TMEM121: variants seen among roughly 807,000 people sequenced by gnomAD.
TMEM121 encodes the protein transmembrane protein 121A.
Under a neutral mutation model 16.4 loss-of-function variants are expected in TMEM121, and 8 were observed. The observed-to-expected ratio is 0.49, with a 90% CI of 0.29 to 0.88. The LOEUF (loss-of-function observed/expected upper bound fraction) is 0.88, where lower values mean the gene tolerates loss of function less well. Among genes scored for constraint, TMEM121 ranks in the 40% least tolerant of loss-of-function variants. The probability of loss-of-function intolerance (pLI) is 0.09; values close to 1 mark genes in which losing one functional copy is unlikely to be tolerated. For missense variants in TMEM121, 401 were observed against 462.0 expected (o/e 0.87, Z 1.21); for synonymous variants, 235 against 226.2 (o/e 1.04, Z -0.35).
Position 105,529,572 on chromosome 14 carries a change from G to A in TMEM121, c.738G>A (p.Ser246=). 1 of 1,557,488 alleles carries A rather than the reference G, an allele frequency of 6.4e-7. No homozygotes were observed. Among genetic ancestry groups the A allele is most frequent in the South Asian group, 1.2e-5 (1 of 85,288 alleles). Reference sequence around the variant, plus strand: ...CGCTGTTCCGGGACAGCCGTGTCTCGGCCATCTTCGTCGGCAAAAACGTGG... The same window carrying A: ...CGCTGTTCCGGGACAGCCGTGTCTCAGCCATCTTCGTCGGCAAAAACGTGG... ...NMALFRDSRV[S]AIFVGKNVVA... is the part of the protein sequence containing the mutation. Residue 246 remains serine, a synonymous_variant, in exon 2 of 2, where the codon TCG becomes TCA. Transcript: ENST00000392519.
At chr14:105,527,825 T>C (rs2084601361) in intron 1 of TMEM121, among the ~76,000 whole-genome samples, 1 of 151,708 alleles carries the variant, frequency 6.6e-6, no homozygotes, top group African/African-American at 2.4e-5. Context: ...CGGGCCTCCA[T>C]TGTCACCCAG....
chr14:105,529,385 T>C lies in TMEM121; in HGVS notation c.551T>C (p.Phe184Ser). Residue 184 changes from phenylalanine to serine, a missense_variant, in exon 2 of 2, where the codon TTC (phenylalanine) becomes TCC (serine). By Grantham distance (155) the Phe-to-Ser change is radical. Coordinates refer to ENST00000392519, the MANE Select transcript of TMEM121 (RefSeq NM_025268.4). ...CCGCTGTGGGCCGAGGGCCTCACCT[T>C]CTTCTACTGCTACATGCTGCTGCTG... ...GLPLWAEGLT[F>S]FYCYMLLLVL... The C allele has an allele frequency of 6.5e-7, 1 of 1,543,284 alleles. No homozygotes were observed. Among genetic ancestry groups the C allele is most frequent in the Non-Finnish European group, 8.7e-7 (1 of 1,146,778 alleles).
At position 105,529,600 on chromosome 14, in the gene TMEM121, G is replaced by A; in HGVS notation, c.766G>A (p.Ala256Thr). The change falls in exon 2 of 2, where the codon GCG becomes ACG. Residue 256 changes from alanine (A) to threonine (T), a missense_variant. Coordinates refer to ENST00000392519, the MANE Select transcript of TMEM121 (RefSeq NM_025268.4). ...SAIFVGKNVV[A>T]LATKACTFLE... Reference sequence around the variant, plus strand: ...CATCTTCGTCGGCAAAAACGTGGTGGCGCTCGCCACCAAGGCCTGCACCTT... The same window carrying A: ...CATCTTCGTCGGCAAAAACGTGGTGACGCTCGCCACCAAGGCCTGCACCTT... 1 of 1,573,520 alleles carries A rather than the reference G, an allele frequency of 6.4e-7. No individual in the cohort carries two copies. Among genetic ancestry groups the A allele is most frequent in the Non-Finnish European group, 8.6e-7 (1 of 1,167,940 alleles).
In TMEM121 at chr14:105,529,641, C is replaced by A; in HGVS notation, c.807C>A (p.Arg269=). 6.3e-7 allele frequency: 1 copy of A among 1,579,646 alleles called. No individual in the cohort carries two copies. The highest frequency in any genetic ancestry group is 2.3e-5 in the East Asian group (1 of 43,514). The change falls in exon 2 of 2, where the codon CGC becomes CGA. Residue 269 remains arginine (R), a synonymous_variant. Coordinates refer to ENST00000392519, the MANE Select transcript of TMEM121 (RefSeq NM_025268.4). ...TKACTFLEYR[R]QVRDFPPPAL... Reference sequence around the variant, plus strand: ...CCTGCACCTTCCTGGAGTACCGCCGCCAGGTGCGCGACTTCCCGCCGCCTG... The same window carrying A: ...CCTGCACCTTCCTGGAGTACCGCCGACAGGTGCGCGACTTCCCGCCGCCTG...
rs1555444175 is a variant in TMEM121, at chr14:105,529,121, A to G, written c.287A>G (p.Asn96Ser). 2 of 1,610,158 alleles carry G rather than the reference A, an allele frequency of 1.2e-6. No homozygotes were observed. The highest frequency in any genetic ancestry group is 1.7e-6 in the Non-Finnish European group (2 of 1,179,462). Residue 96 changes from asparagine to serine, a missense_variant, in exon 2 of 2, where the codon AAC (asparagine) becomes AGC (serine). By Grantham distance (46) the Asn-to-Ser change is conservative. Transcript: ENST00000392519. Reference protein sequence around the residue: ...LEIKLYFIFQNYKAARRGAAD... With the variant: ...LEIKLYFIFQSYKAARRGAAD... Reference sequence around the variant, plus strand: ...ATCAAGCTCTACTTCATCTTCCAGAACTACAAGGCGGCGCGGCGCGGCGCG... The same window carrying G: ...ATCAAGCTCTACTTCATCTTCCAGAGCTACAAGGCGGCGCGGCGCGGCGCG...
Position 105,529,724 on chromosome 14 carries a change from C to A in TMEM121, c.890C>A (p.Pro297Gln), listed in dbSNP as rs1555444352. 2 of 1,527,778 alleles carry A rather than the reference C, an allele frequency of 1.3e-6. No homozygotes were observed. The highest frequency in any genetic ancestry group is 2.8e-5 in the African/African-American group (2 of 72,242). The allele number at this position is 1,527,778 out of a possible 1,614,324, so 94.6% of individuals were successfully genotyped here. A position where few individuals can be genotyped will look rare whatever the true frequency, so the allele number is the denominator to read the frequency against. Reference sequence around the variant, plus strand: ...CAGCGCAACTCGGTGCCGCCGCCGCCGCCGCCGCTGCACGGCCCGCCTGGG... The same window carrying A: ...CAGCGCAACTCGGTGCCGCCGCCGCAGCCGCCGCTGCACGGCCCGCCTGGG... ...PPQRNSVPPP[P>Q]PPLHGPPGRP... Residue 297 changes from proline (P) to glutamine (Q), a missense_variant, in exon 2 of 2, where the codon CCG becomes CAG. Physicochemically the swap from Pro to Gln is moderately conservative, Grantham distance 76. Coordinates refer to ENST00000392519, the MANE Select transcript of TMEM121 (RefSeq NM_025268.4).
chr14:105,528,255 A>G lies in TMEM121; in HGVS notation c.-113-467A>G, dbSNP rs117234998. The stretch of plus-strand genomic sequence containing the variant: ...GGGATCAGAAAGCCTGGGAGGGCCG[A>G]GGCCTCCTTGGGTACTCCAAGAGCG... On this transcript the variant is annotated intron_variant, in intron 1 of 1. Coordinates refer to ENST00000392519, the MANE Select transcript of TMEM121 (RefSeq NM_025268.4). 0.028 allele frequency among the ~76,000 whole-genome samples: 4,253 copies of G among 151,678 alleles called. 616 individuals are homozygous for G. The East Asian group carries it at 0.39, about 14-fold the overall frequency.
chr14:105,528,390 G>A (rs2084605938), intron 1 of TMEM121, among the ~76,000 whole-genome samples: 1 of 151,896 alleles, frequency 6.6e-6, no homozygotes, highest in South Asian at 2.1e-4. Flanking sequence ...CCGGGCCGCC[G>A]GAGCCAGGAG....
In TMEM121 at chr14:105,529,461, A is replaced by G. The variant is rs1769326124; in HGVS notation, c.627A>G (p.Ile209Met). Residue 209 changes from isoleucine to methionine, a missense_variant, in exon 2 of 2, where the codon ATA becomes ATG. Coordinates refer to ENST00000392519, the MANE Select transcript of TMEM121 (RefSeq NM_025268.4). ...AGGTCAGCATGCAGGGCGAGCACAT[A>G]GCGCCGCAGAAGATGATGCTGTACC... ...LSEVSMQGEH[I>M]APQKMMLYPV... The G allele has an allele frequency of 3.2e-6, 5 of 1,546,294 alleles. No individual in the cohort carries two copies. Among genetic ancestry groups the G allele is most frequent in the Non-Finnish European group, 4.4e-6 (5 of 1,146,760 alleles).
In TMEM121 at chr14:105,529,240, T is replaced by G. The variant is rs1163377280; in HGVS notation, c.406T>G (p.Tyr136Asp). The G allele has an allele frequency of 2.5e-5, 39 of 1,563,966 alleles. No individual in the cohort carries two copies. The highest frequency in any genetic ancestry group is 3.1e-5 in the Non-Finnish European group (36 of 1,157,954). Residue 136 changes from tyrosine (Y) to aspartate (D), a missense_variant, in exon 2 of 2, where the codon TAC (tyrosine) becomes GAC (aspartate). Physicochemically the swap from Tyr to Asp is radical, Grantham distance 160. Coordinates refer to ENST00000392519, the MANE Select transcript of TMEM121 (RefSeq NM_025268.4). ...GCTCGTGGCGCTGGACCGCATGGAG[T>G]ACGTGCGCACCTTCCGCAAGCGCGA... ...LLLVALDRME[Y>D]VRTFRKREDL...
intron 1 of TMEM121, among the ~76,000 whole-genome samples, chr14:105,527,824 A>C (rs1266806179): frequency 6.6e-6 from 1 of 151,608 alleles, no homozygotes; most frequent in Non-Finnish European, 1.5e-5. Context: ...GCGGGCCTCC[A>C]TTGTCACCCA....
rs1300763788 is a variant in TMEM121 at position 105,529,839 on chromosome 14, C to A, written c.*45C>A. The A allele has an allele frequency of 7.3e-7, 1 of 1,375,636 alleles. No individual in the cohort carries two copies. Among genetic ancestry groups the A allele is most frequent in the African/African-American group, 1.5e-5 (1 of 65,040 alleles). The allele number at this position is 1,375,636 out of a possible 1,614,324, so 85.2% of individuals were successfully genotyped here. A position where few individuals can be genotyped will look rare whatever the true frequency, so the allele number is the denominator to read the frequency against. Reference sequence around the variant, plus strand: ...GACACGCCCCTGGGGCGCAGAGACACCGGGTTGGCTTGGGGCGCGCGGTTT... The same window carrying A: ...GACACGCCCCTGGGGCGCAGAGACAACGGGTTGGCTTGGGGCGCGCGGTTT... On this transcript the variant is annotated 3_prime_UTR_variant, in exon 2 of 2. Coordinates refer to ENST00000392519, the MANE Select transcript of TMEM121 (RefSeq NM_025268.4).
Position 105,530,054 on chromosome 14 carries a change from G to A in TMEM121, c.*260G>A. The A allele has an allele frequency of 2.3e-6, 1 of 438,282 alleles. No individual in the cohort carries two copies. The highest frequency in any genetic ancestry group is 6.6e-5 in the South Asian group (1 of 15,246). The allele number at this position is 438,282 out of a possible 1,614,324, so 27.1% of individuals were successfully genotyped here. ...GGCCGGAGCAGAGCAGAGGTGATCC[G>A]GCCCCTGCCTGCTGGGCCGCCCGGG... On this transcript the variant is annotated 3_prime_UTR_variant, in exon 2 of 2. Transcript: ENST00000392519.
chr14:105,527,544 T>A (rs1426665151), intron 1 of TMEM121: 1 of 73,200 alleles, frequency 1.4e-5, no homozygotes, highest in African/African-American at 5.4e-5. Flanking sequence ...CTCCGAGGGG[T>A]GGGGGTGTCC....
intron 1 of TMEM121, among the ~76,000 whole-genome samples, chr14:105,528,242 C>T (rs868927447): frequency 2.0e-5 from 3 of 151,852 alleles, no homozygotes; most frequent in African/African-American, 7.3e-5. Context: ...GATCAGAAAG[C>T]CTGGGAGGGC....
Position 105,529,626 on chromosome 14 carries a change from C to T in TMEM121, c.792C>T (p.Phe264=), listed in dbSNP as rs2084625056. ...VVALATKACT[F]LEYRRQVRDF... is the part of the protein sequence containing the mutation. ...CGCTCGCCACCAAGGCCTGCACCTT[C>T]CTGGAGTACCGCCGCCAGGTGCGCG... The change falls in exon 2 of 2, where the codon TTC becomes TTT. Residue 264 remains phenylalanine (F), a synonymous_variant. Coordinates refer to ENST00000392519, the MANE Select transcript of TMEM121 (RefSeq NM_025268.4). 3 of 1,580,796 alleles carry T rather than the reference C, an allele frequency of 1.9e-6. No individual in the cohort carries two copies. The highest frequency in any genetic ancestry group is 2.6e-6 in the Non-Finnish European group (3 of 1,172,046).
chr14:105,528,320 G>T (rs1039129824), intron 1 of TMEM121, among the ~76,000 whole-genome samples: 17 of 152,062 alleles, frequency 1.1e-4, no homozygotes, highest in African/African-American at 4.1e-4. Context: ...CGGCGGCGGG[G>T]AGAGGGTATT....
At chr14:105,528,499 G>C (rs1278291179) in intron 1 of TMEM121, 4 of 173,628 alleles carry the variant, frequency 2.3e-5, no homozygotes, top group Admixed American at 1.3e-4. Flanking sequence ...TCCTGGCGGC[G>C]GGAACGAGGC....
chr14:105,529,128 GGCGGCGCGGC>G lies in TMEM121; in HGVS notation c.306_315del (p.Gly103ThrfsTer8). The G allele has an allele frequency of 1.2e-6, 2 of 1,607,730 alleles. No homozygotes were observed. Among genetic ancestry groups the G allele is most frequent in the Non-Finnish European group, 1.7e-6 (2 of 1,178,648 alleles). ...TCTACTTCATCTTCCAGAACTACAAGGCGGCGCGGCGCGGCGCGGCGGACCCCGTGGCGCG... is the reference window on the plus strand; with the variant it reads ...TCTACTTCATCTTCCAGAACTACAAGGCGGCGCGGCGGACCCCGTGGCGCG... On this transcript the variant is annotated frameshift_variant, in exon 2 of 2. Transcript: ENST00000392519. LOFTEE classifies it high-confidence loss of function.
Sources: allele counts gnomAD v4.1 joint callset (sites outside exome capture counted in the v4.1 genomes callset), GRCh38; gene constraint gnomAD v4.1.1; transcripts MANE v1.5; gene names NCBI Gene and HGNC (gene_info 2026-07-23, HGNC 2026-07-21).